The following CDH18 variants were observed in gnomAD, a reference collection of about 807,000 sequenced individuals.
The protein encoded by CDH18 is cadherin 18.
Under a neutral mutation model 67.9 loss-of-function variants are expected in CDH18, and 31 were observed. That is an observed-to-expected ratio of 0.46 (90% confidence interval 0.34 to 0.62). The LOEUF (loss-of-function observed/expected upper bound fraction) is 0.62. CDH18 is among the 20% of genes least tolerant of loss of function. The probability of loss-of-function intolerance (pLI) is 0.01; values close to 1 mark genes in which losing one functional copy is unlikely to be tolerated. For synonymous variants in CDH18, 362 were observed against 347.2 expected (o/e 1.04, Z -0.48); for missense variants, 890 against 975.5 (o/e 0.91, Z 1.17).
At position 19,812,399 on chromosome 5, in the gene CDH18, G is replaced by A. The variant is rs989655876; in HGVS notation, c.228+26360C>T. Reference sequence around the variant, plus strand: ...TGTATTATGAAAGTGCATGTAGAACGTAGAAAACAAAATATGTAACTGAAA... The same window carrying A: ...TGTATTATGAAAGTGCATGTAGAACATAGAAAACAAAATATGTAACTGAAA... On this transcript the variant is annotated intron_variant, in intron 3 of 12. Transcript: ENST00000382275. Among the ~76,000 whole-genome samples the A allele has an allele frequency of 5.9e-5, 9 of 152,164 alleles. No homozygotes were observed. In the East Asian group the frequency reaches 7.7e-4, roughly 13 times the overall value.
chr5:20,008,294 A>G (rs971382237), intron 2 of CDH18, among the ~76,000 whole-genome samples: 1 of 152,116 alleles, frequency 6.6e-6, no homozygotes, highest in Non-Finnish European at 1.5e-5. Flanking sequence ...ATAATCACTC[A>G]TGTTTGCTAT....
rs74669198 is a variant in CDH18 at position 20,475,223 on chromosome 5, T to C, written c.-580+100239A>G. Among the ~76,000 whole-genome samples the C allele has an allele frequency of 4.3e-4, 65 of 152,338 alleles. No homozygotes were observed. The East Asian group carries it at 0.01, about 24-fold the overall frequency. ...ATTATTTTCATATTGTAGTTTTTTATTGTGTAAGAATTTATGCATTATTTA... is the reference window on the plus strand; with the variant it reads ...ATTATTTTCATATTGTAGTTTTTTACTGTGTAAGAATTTATGCATTATTTA... On this transcript the variant is annotated intron_variant, in intron 1 of 14. Coordinates refer to the CDH18 transcript ENST00000507958.
At chr5:20,521,217 C>T (rs915903106) in intron 1 of CDH18, among the ~76,000 whole-genome samples, 2 of 152,002 alleles carry the variant, frequency 1.3e-5, no homozygotes, top group Admixed American at 6.6e-5. Flanking sequence ...AGAGCAAATT[C>T]TGGACATATT....
intron 2 of CDH18, among the ~76,000 whole-genome samples, chr5:20,033,076 A>C (rs1420815587): frequency 2.0e-5 from 3 of 152,016 alleles, no homozygotes; most frequent in Non-Finnish European, 4.4e-5. Context: ...TGGAAAACAA[A>C]CCTATGACCT....
chr5:19,777,822 T>C (rs1774574899), intron 3 of CDH18, among the ~76,000 whole-genome samples: 1 of 152,046 alleles, frequency 6.6e-6, no homozygotes, highest in Admixed American at 6.6e-5. Context: ...ATAATTAAAA[T>C]TACTAAAATG....
At chr5:20,046,618 TATATATAAA>T (rs1276227482) in intron 2 of CDH18, among the ~76,000 whole-genome samples, 13 of 148,254 alleles carry the variant, frequency 8.8e-5, no homozygotes, top group Non-Finnish European at 1.5e-4. Context: ...TATTTTATAT[TATATATAAA>T]ATATATAAAA....
intron 2 of CDH18, among the ~76,000 whole-genome samples, chr5:19,978,525 A>G (rs1463768427): frequency 5.9e-5 from 9 of 152,152 alleles, no homozygotes; most frequent in African/African-American, 2.2e-4. Flanking sequence ...CCACAAATTT[A>G]GTGCTTTAAA....
chr5:19,858,700 A>G (rs1784550660), intron 2 of CDH18, among the ~76,000 whole-genome samples: 1 of 152,204 alleles, frequency 6.6e-6, no homozygotes, highest in Non-Finnish European at 1.5e-5. Context: ...GTTCTTACCA[A>G]ACTGGAAAAT....
chr5:20,240,001 A>C (rs149630825), intron 2 of CDH18, among the ~76,000 whole-genome samples: 1 of 152,130 alleles, frequency 6.6e-6, no homozygotes, highest in African/African-American at 2.4e-5. Context: ...AAAAATATGT[A>C]CTAGAAGATA....
chr5:19,689,974 T>C (rs1043069107), intron 5 of CDH18, among the ~76,000 whole-genome samples: 1 of 151,288 alleles, frequency 6.6e-6, no homozygotes, highest in Non-Finnish European at 1.5e-5. Context: ...TATACTTAGA[T>C]AAAAACAGGC....
At chr5:20,123,529 T>C (rs1406181679) in intron 2 of CDH18, among the ~76,000 whole-genome samples, 1 of 152,188 alleles carries the variant, frequency 6.6e-6, no homozygotes, top group African/African-American at 2.4e-5. Context: ...GCTCCCATTA[T>C]TTCCCCAGTT....
At chr5:20,030,444 A>G (rs1468603910) in intron 2 of CDH18, among the ~76,000 whole-genome samples, 1 of 152,164 alleles carries the variant, frequency 6.6e-6, no homozygotes, top group South Asian at 2.1e-4. Flanking sequence ...CTTACATCTG[A>G]TTATTGTAGT....
intron 2 of CDH18, among the ~76,000 whole-genome samples, chr5:20,042,789 C>A (rs1261346835): frequency 6.6e-6 from 1 of 152,090 alleles, no homozygotes; most frequent in East Asian, 1.9e-4. Context: ...CAGTGTAACA[C>A]CGTCTCTACT....
intron 1 of CDH18, among the ~76,000 whole-genome samples, chr5:20,259,525 C>T (rs1173281330): frequency 6.6e-6 from 1 of 152,150 alleles, no homozygotes; most frequent in Non-Finnish European, 1.5e-5. Context: ...TGACGATCTA[C>T]TTCCACTTCA....
intron 2 of CDH18, among the ~76,000 whole-genome samples, chr5:19,994,250 C>CACACATATACACATATATGTAT (rs1800147749): frequency 7.2e-6 from 1 of 139,302 alleles, no homozygotes; most frequent in African/African-American, 3.0e-5. Context: ...CACACATATA[C>CACACATATACACATATATGTAT]ACATATATAC....
intron 1 of CDH18, among the ~76,000 whole-genome samples, chr5:20,547,152 T>A (rs1204438355): frequency 6.6e-6 from 1 of 152,166 alleles, no homozygotes; most frequent in Non-Finnish European, 1.5e-5. Context: ...ATTTACCGAT[T>A]CAATTTATGT....
intron 2 of CDH18, among the ~76,000 whole-genome samples, chr5:20,204,576 T>C (rs759928009): frequency 1.4e-4 from 22 of 151,958 alleles, no homozygotes; most frequent in Non-Finnish European, 2.7e-4. Flanking sequence ...CTGATAAAAT[T>C]AAGTGCACAG....
chr5:20,272,132 C>A (rs1489592847), intron 1 of CDH18, among the ~76,000 whole-genome samples: 5 of 151,824 alleles, frequency 3.3e-5, no homozygotes, highest in Non-Finnish European at 5.9e-5. Flanking sequence ...AAGAGGAAAG[C>A]AAGTAGCAAA....
At chr5:20,273,438 T>C (rs1224678501) in intron 1 of CDH18, among the ~76,000 whole-genome samples, 1 of 151,914 alleles carries the variant, frequency 6.6e-6, no homozygotes, top group Non-Finnish European at 1.5e-5. Flanking sequence ...CAAGAAGCAA[T>C]ATGAAATGGT....
Sources: gnomAD v4.1 joint callset for allele counts (sites outside exome capture counted in the v4.1 genomes callset) on GRCh38, gnomAD v4.1.1 for gene constraint, MANE v1.5 for transcripts, NCBI Gene and HGNC (gene_info 2026-07-23, HGNC 2026-07-21) for gene names.